Variants in EXD3 observed in about 807,000 individuals in gnomAD.
The protein encoded by EXD3 is exonuclease 3'-5' domain containing 3, also known as exonuclease mut-7 homolog.
Under a neutral mutation model 98.0 loss-of-function variants are expected in EXD3, and 92 were observed. The observed-to-expected ratio is 0.94, with a 90% CI of 0.79 to 1.12. The LOEUF is 1.12. Among genes scored for constraint, EXD3 ranks in the 50% most tolerant of loss-of-function variants. The pLI is 0.00. For missense variants in EXD3, 1,222 were observed against 1,191.6 expected (o/e 1.03, Z -0.38); for synonymous variants, 569 against 526.0 (o/e 1.08, Z -1.12).
At chr9:137,391,220 T>G (rs1404073500) in intron 2 of EXD3, among the ~76,000 whole-genome samples, 1 of 152,238 alleles carries the variant, frequency 6.6e-6, no homozygotes, top group Non-Finnish European at 1.5e-5. Context: ...TCACGGTGCA[T>G]TACGAGAGCG....
In EXD3 at chr9:137,330,445, ACTACACAGGAG is replaced by A. The variant is rs1277829623; in HGVS notation, c.1999-6313_1999-6303del. On this transcript the variant is annotated intron_variant, in intron 17 of 21. Coordinates refer to ENST00000340951, the MANE Select transcript of EXD3 (RefSeq NM_017820.5). Reference sequence around the variant, plus strand: ...CAGGAGCTACACAGGACTACACAGGACTACACAGGAGCTACACAGGACTACAAAGGAGCTAC... The same window carrying A: ...CAGGAGCTACACAGGACTACACAGGACTACACAGGACTACAAAGGAGCTAC... Among the ~76,000 whole-genome samples the A allele has an allele frequency of 1.1e-4, 13 of 114,680 alleles. 1 individual carries two copies. Among genetic ancestry groups the A allele is most frequent in the African/African-American group, 2.3e-4 (7 of 31,108 alleles). 75.2% of individuals were successfully genotyped at this position (114,680 alleles called of 152,430 possible). A position where few individuals can be genotyped will look rare whatever the true frequency, so the allele number is the denominator to read the frequency against.
In EXD3 at chr9:137,349,357, C is replaced by A; in HGVS notation, c.1657+12G>T. ...GTGAGGAGGGGTCACTCCCACCCGCCGCACCGCACACCTGCGTAGATGACC... is the reference window on the plus strand; with the variant it reads ...GTGAGGAGGGGTCACTCCCACCCGCAGCACCGCACACCTGCGTAGATGACC... On this transcript the variant is annotated intron_variant, in intron 15 of 21. Coordinates refer to ENST00000340951, the MANE Select transcript of EXD3 (RefSeq NM_017820.5). The surrounding 1 kb of genome is among the most constrained non-coding windows in gnomAD (Gnocchi z 7.4). 1.3e-6 allele frequency: 2 copies of A among 1,571,034 alleles called. No individual in the cohort carries two copies. The highest frequency in any genetic ancestry group is 1.8e-5 in the Admixed American group (1 of 56,526).
chr9:137,319,982 C>G (rs1444729976), intron 19 of EXD3, among the ~76,000 whole-genome samples: 1 of 152,238 alleles, frequency 6.6e-6, no homozygotes, highest in Non-Finnish European at 1.5e-5. Flanking sequence ...GTGGCGCATA[C>G]ACGTGGGGCT....
intron 1 of EXD3, among the ~76,000 whole-genome samples, chr9:137,419,885 C>T (rs181289420): frequency 1.3e-3 from 196 of 152,228 alleles, no homozygotes; most frequent in South Asian, 3.9e-3. Flanking sequence ...AGCGGCCGGG[C>T]GCGGTGGCTC....
intron 3 of EXD3, among the ~76,000 whole-genome samples, chr9:137,376,606 C>G (rs77013416): frequency 0.022 from 3,330 of 152,130 alleles, 110 homozygotes; most frequent in African/African-American, 0.075. Flanking sequence ...GAGACCCCCC[C>G]ACCTGCTCGC....
At position 137,385,356 on chromosome 9, in the gene EXD3, C is replaced by T. The variant is rs1836535231; in HGVS notation, c.56-1979G>A. On this transcript the variant is annotated intron_variant, in intron 2 of 21. Coordinates refer to ENST00000340951, the MANE Select transcript of EXD3 (RefSeq NM_017820.5). This position sits in a 1 kb window ranked among gnomAD's most constrained non-coding sequence, Gnocchi z 4.4. Reference sequence around the variant, plus strand: ...CACGTGGCCATGGCAGGCAGTGTGACTGGCCCCGCATTCTGGGTGCTGCAT... The same window carrying T: ...CACGTGGCCATGGCAGGCAGTGTGATTGGCCCCGCATTCTGGGTGCTGCAT... Among the ~76,000 whole-genome samples the T allele has an allele frequency of 6.9e-6, 1 of 145,368 alleles. No homozygotes were observed. Among genetic ancestry groups the T allele is most frequent in the African/African-American group, 2.5e-5 (1 of 40,396 alleles).
intron 1 of EXD3, among the ~76,000 whole-genome samples, chr9:137,408,420 G>A (rs1005719533): frequency 2.6e-5 from 4 of 151,784 alleles, no homozygotes; most frequent in Non-Finnish European, 5.9e-5. Context: ...GGTGGCGGGC[G>A]CCTGTAGTCC....
rs1296569465 is a variant in EXD3, at chr9:137,359,138, GGGTTTCACTGTGTTAGCCAGGAT to G, written c.657-2793_657-2771del. 3.7e-5 allele frequency among the ~76,000 whole-genome samples: 3 copies of G among 81,498 alleles called. 1 individual carries two copies. The highest frequency in any genetic ancestry group is 8.9e-5 in the Non-Finnish European group (3 of 33,538). 53.5% of individuals were successfully genotyped at this position (81,498 alleles called of 152,430 possible). A position where few individuals can be genotyped will look rare whatever the true frequency, so the allele number is the denominator to read the frequency against. On this transcript the variant is annotated intron_variant, in intron 7 of 21. Coordinates refer to ENST00000340951, the MANE Select transcript of EXD3 (RefSeq NM_017820.5). ...ATTTTTTGTATTTTTAGTAGAGATG[GGGTTTCACTGTGTTAGCCAGGAT>G]GGTTTCACTGTGTTAGCCAGGTTAG...
At chr9:137,351,639 C>T in intron 12 of EXD3, 111 bp from the exon 13 acceptor site, 1 of 950,864 alleles carries the variant, frequency 1.1e-6, no homozygotes. Flanking sequence ...GGAGACGCCC[C>T]TGCACCCCTG....
intron 1 of EXD3, among the ~76,000 whole-genome samples, chr9:137,411,877 A>C (rs931397807): frequency 6.6e-6 from 1 of 152,188 alleles, no homozygotes; most frequent in Non-Finnish European, 1.5e-5. Flanking sequence ...TCCGGGCGCC[A>C]GGTCACGCTT....
chr9:137,313,977 G>T (rs1831499352), intron 19 of EXD3, among the ~76,000 whole-genome samples: 1 of 152,028 alleles, frequency 6.6e-6, no homozygotes, highest in Non-Finnish European at 1.5e-5. Context: ...ATGCTGGCGG[G>T]GGTCGCCAGT....
rs1215702273 is a variant in EXD3, at chr9:137,393,231, G to A, written c.55+2072C>T. The A allele has an allele frequency of 2.8e-6, 2 of 702,680 alleles. No homozygotes were observed. The highest frequency in any genetic ancestry group is 5.2e-6 in the Non-Finnish European group (2 of 384,890). 43.5% of individuals were successfully genotyped at this position (702,680 alleles called of 1,614,324 possible). A position where few individuals can be genotyped will look rare whatever the true frequency, so the allele number is the denominator to read the frequency against. ...GGAGAAGAGGCTGTAGAAGCCTGTGGGTGCCTGTGCAGGGAGAGTCAGCTC... is the reference window on the plus strand; with the variant it reads ...GGAGAAGAGGCTGTAGAAGCCTGTGAGTGCCTGTGCAGGGAGAGTCAGCTC... On this transcript the variant is annotated intron_variant, in intron 2 of 21. Transcript: ENST00000340951. The surrounding 1 kb of genome is among the most constrained non-coding windows in gnomAD (Gnocchi z 4.6).
At position 137,376,140 on chromosome 9, in the gene EXD3, A is replaced by C. The variant is rs535458255; in HGVS notation, c.121-2541T>G. ...CGGGCAGATCACGAGGTCAGGAGAT[A>C]GAGACCAGCCTGGCTAACACAGTGA... On this transcript the variant is annotated intron_variant, in intron 3 of 21. Transcript: ENST00000340951. Among the ~76,000 whole-genome samples the C allele has an allele frequency of 7.9e-5, 12 of 151,912 alleles. No homozygotes were observed. In the South Asian group the frequency reaches 1.7e-3, roughly 21 times the overall value.
chr9:137,348,964 A>C, intron 16 of EXD3, 146 bp downstream of exon 16: 1 of 962,094 alleles, frequency 1.0e-6, no homozygotes, highest in Non-Finnish European at 1.5e-6. Context: ...GTTCACCAGG[A>C]CTTTGCTCCC....
chr9:137,411,145 C>A (rs565934841), intron 1 of EXD3, among the ~76,000 whole-genome samples: 104 of 152,292 alleles, frequency 6.8e-4, no homozygotes, highest in Admixed American at 2.0e-3. Flanking sequence ...CCGAGGCCGG[C>A]CCCCCGGGTG....
chr9:137,374,176 A>G (rs1226948097), intron 3 of EXD3, among the ~76,000 whole-genome samples: 1 of 152,236 alleles, frequency 6.6e-6, no homozygotes, highest in African/African-American at 2.4e-5. Flanking sequence ...GATTCCTGCA[A>G]GTGAGTCAAC....
At chr9:137,344,107 G>A (rs1288310188) in intron 17 of EXD3, among the ~76,000 whole-genome samples, 2 of 151,268 alleles carry the variant, frequency 1.3e-5, no homozygotes, top group Admixed American at 6.6e-5. Context: ...TAGCCAGGAT[G>A]GTCTCGATCT....
At chr9:137,422,601 G>T (rs560552565) in intron 1 of EXD3, among the ~76,000 whole-genome samples, 62 of 152,310 alleles carry the variant, frequency 4.1e-4, no homozygotes, top group Non-Finnish European at 6.8e-4. Flanking sequence ...CTCTGTGCCT[G>T]AATAAACCCA....
chr9:137,386,165 G>A (rs1836580400), intron 2 of EXD3, among the ~76,000 whole-genome samples: 1 of 151,822 alleles, frequency 6.6e-6, no homozygotes. Context: ...GCATGGTGGC[G>A]CTCCTGAGGT....
Sources: allele counts gnomAD v4.1 joint callset (sites outside exome capture counted in the v4.1 genomes callset), GRCh38; gene constraint gnomAD v4.1.1; non-coding constraint Gnocchi (gnomAD v3.1); transcripts MANE v1.5; gene names NCBI Gene and HGNC (gene_info 2026-07-23, HGNC 2026-07-21).